XKR9: variants seen among roughly 807,000 people sequenced by gnomAD.
XKR9 encodes the protein XK-related protein 9.
A neutral mutation model predicts 32.0 loss-of-function variants in XKR9; 32 were observed. The ratio of observed to expected loss-of-function variants is 1.00; its 90% CI spans 0.76 to 1.34. The LOEUF (loss-of-function observed/expected upper bound fraction) is 1.34. Among genes scored for constraint, XKR9 ranks in the 40% most tolerant of loss-of-function variants. The probability of loss-of-function intolerance (pLI) is 0.00; values close to 1 mark genes in which losing one functional copy is unlikely to be tolerated. For missense variants in XKR9, 546 were observed against 429.7 expected, an observed-to-expected ratio of 1.27 and a Z score of -2.39; for synonymous variants, 168 against 143.4, an observed-to-expected ratio of 1.17 and a Z score of -1.22.
the XKR9 span, among the ~76,000 whole-genome samples, chr8:70,822,215 A>G: frequency 1.3e-5 from 2 of 152,200 alleles, no homozygotes; most frequent in Non-Finnish European, 1.5e-5. Context: ...AGTCAGTTTA[A>G]TTTGTTGTAT....
the XKR9 span, among the ~76,000 whole-genome samples, chr8:70,973,221 A>G: frequency 6.6e-6 from 1 of 151,966 alleles, no homozygotes; most frequent in Admixed American, 6.6e-5. Flanking sequence ...AAATTTATCT[A>G]TCTTCTCTAG....
At chr8:70,771,434 T>C (rs1449278216) in intron 2 of XKR9, among the ~76,000 whole-genome samples, 1 of 152,228 alleles carries the variant, frequency 6.6e-6, no homozygotes. Flanking sequence ...ATTTTTATTT[T>C]GTGGTCCAAG....
At chr8:70,712,099 A>G (rs1045082483) in intron 4 of XKR9, among the ~76,000 whole-genome samples, 1 of 152,184 alleles carries the variant, frequency 6.6e-6, no homozygotes, top group African/African-American at 2.4e-5. Context: ...CTGAAATCAC[A>G]GTAAAAGAGT....
chr8:70,820,267 C>T, the XKR9 span, among the ~76,000 whole-genome samples: 3 of 152,056 alleles, frequency 2.0e-5, no homozygotes, highest in Admixed American at 6.5e-5. Flanking sequence ...TAGATTATAC[C>T]CTTTTGTCTG....
At chr8:70,778,027 C>T (rs1196002468) in intron 2 of XKR9, among the ~76,000 whole-genome samples, 1 of 152,110 alleles carries the variant, frequency 6.6e-6, no homozygotes, top group East Asian at 1.9e-4. Flanking sequence ...AAGTCCTTGC[C>T]CATGCCTATG....
At chr8:70,909,583 C>T in the XKR9 span, among the ~76,000 whole-genome samples, 1 of 151,316 alleles carries the variant, frequency 6.6e-6, no homozygotes, top group African/African-American at 2.4e-5. Context: ...TGTAGTGAGC[C>T]AAGATGCCGA....
chr8:71,043,093 G>A, the XKR9 span, among the ~76,000 whole-genome samples: 1 of 152,138 alleles, frequency 6.6e-6, no homozygotes, highest in Non-Finnish European at 1.5e-5. Flanking sequence ...GATCTCAACC[G>A]CTAAGTGGTG....
chr8:70,820,079 G>T, the XKR9 span, among the ~76,000 whole-genome samples: 2 of 152,106 alleles, frequency 1.3e-5, no homozygotes, highest in African/African-American at 4.8e-5. Context: ...AAGCAGGAAG[G>T]TCATTCTCTG....
intron 2 of XKR9, among the ~76,000 whole-genome samples, chr8:70,746,836 A>G (rs1018067138): frequency 6.6e-6 from 1 of 151,398 alleles, no homozygotes; most frequent in Non-Finnish European, 1.5e-5. Context: ...TGTGATGCTG[A>G]GGTTTTAGCG....
the XKR9 span, among the ~76,000 whole-genome samples, chr8:70,954,954 T>G: frequency 6.6e-6 from 1 of 152,186 alleles, no homozygotes; most frequent in African/African-American, 2.4e-5. Context: ...AGTCTGAGAT[T>G]TTTCAATTTA....
chr8:70,892,076 T>C, the XKR9 span, among the ~76,000 whole-genome samples: 907 of 152,266 alleles, frequency 6.0e-3, 13 homozygotes, highest in African/African-American at 0.021. Context: ...ATAAAGCTAC[T>C]CTTGCTCTTT....
chr8:71,057,846 C>A, the XKR9 span, among the ~76,000 whole-genome samples: 1 of 152,048 alleles, frequency 6.6e-6, no homozygotes, highest in Non-Finnish European at 1.5e-5. Context: ...TGGTCATGCC[C>A]AAGAGCCACT....
chr8:70,789,566 C>G (rs1291660637), intron 3 of XKR9: 1 of 151,982 alleles, frequency 6.6e-6, no homozygotes, highest in Admixed American at 6.6e-5. Context: ...TAACTATTAG[C>G]AAAAGGAAAT....
chr8:70,695,095 G>A (rs899028871), intron 3 of XKR9, among the ~76,000 whole-genome samples: 1 of 147,094 alleles, frequency 6.8e-6, no homozygotes, highest in Non-Finnish European at 1.5e-5. Context: ...GCTCTGTGTT[G>A]TTCCCAGGTG....
chr8:70,912,798 G>T, the XKR9 span, among the ~76,000 whole-genome samples: 1 of 152,114 alleles, frequency 6.6e-6, no homozygotes, highest in Non-Finnish European at 1.5e-5. Flanking sequence ...CCAAGAAGAA[G>T]AGGTAGGTAG....
the XKR9 span, among the ~76,000 whole-genome samples, chr8:70,843,049 G>T: frequency 1.3e-5 from 2 of 152,172 alleles, no homozygotes; most frequent in Non-Finnish European, 2.9e-5. Flanking sequence ...CCCATGACTT[G>T]CTATTTATTC....
the XKR9 span, among the ~76,000 whole-genome samples, chr8:71,052,576 C>A: frequency 5.3e-5 from 8 of 152,182 alleles, no homozygotes; most frequent in Non-Finnish European, 8.8e-5. Context: ...GCCCACTCAG[C>A]GTTTCTTGCT....
At chr8:70,857,367 A>C in the XKR9 span, among the ~76,000 whole-genome samples, 10 of 152,204 alleles carry the variant, frequency 6.6e-5, no homozygotes, top group Non-Finnish European at 1.5e-4. Flanking sequence ...TAAACTAGAA[A>C]ATCTAGAAGA....
the XKR9 span, among the ~76,000 whole-genome samples, chr8:71,027,779 C>CGG: frequency 2.0e-4 from 23 of 117,556 alleles, no homozygotes; most frequent in Admixed American, 7.8e-4. Context: ...TTTTTTTTGG[C>CGG]GGGGGGGGGG....
Sources: allele counts gnomAD v4.1 joint callset (sites outside exome capture counted in the v4.1 genomes callset), GRCh38; gene constraint gnomAD v4.1.1; transcripts MANE v1.5; gene names NCBI Gene and HGNC (gene_info 2026-07-23, HGNC 2026-07-21).